Variants in CRPPA observed in about 807,000 individuals in gnomAD.
The protein encoded by CRPPA is D-ribitol-5-phosphate cytidylyltransferase.
CRPPA carries 43 observed loss-of-function variants against 52.0 expected under a neutral mutation model. That is an observed-to-expected ratio of 0.83 (90% CI 0.65 to 1.07). The LOEUF (loss-of-function observed/expected upper bound fraction) is 1.07, where lower values mean the gene tolerates loss of function less well. Ranked by LOEUF, CRPPA falls within the 50% of genes least tolerant of loss-of-function variation. The probability of loss-of-function intolerance (pLI) is 0.00; values close to 1 mark genes in which losing one functional copy is unlikely to be tolerated. For synonymous variants in CRPPA, 250 were observed against 203.5 expected (o/e 1.23, Z -1.94); for missense variants, 629 against 551.7 (o/e 1.14, Z -1.40).
chr7:16,113,747 C>T (rs1782313142), intron 9 of CRPPA, among the ~76,000 whole-genome samples: 2 of 151,424 alleles, frequency 1.3e-5, no homozygotes, highest in Admixed American at 1.3e-4. Context: ...CATTATTTTT[C>T]AAGATTAGAA....
At chr7:16,407,697 T>C (rs1418075074) in intron 1 of CRPPA, among the ~76,000 whole-genome samples, 1 of 152,152 alleles carries the variant, frequency 6.6e-6, no homozygotes, top group African/African-American at 2.4e-5. Flanking sequence ...AAAAACCCCA[T>C]TCTGCCTGTA....
intron 8 of CRPPA, among the ~76,000 whole-genome samples, chr7:16,236,573 C>G (rs1488278871): frequency 1.3e-5 from 2 of 152,102 alleles, no homozygotes; most frequent in Non-Finnish European, 2.9e-5. Context: ...ACTTTCCATA[C>G]AAGAACAGTT....
chr7:16,392,513 C>A (rs992778870), intron 2 of CRPPA, among the ~76,000 whole-genome samples: 1 of 152,128 alleles, frequency 6.6e-6, no homozygotes, highest in Non-Finnish European at 1.5e-5. Context: ...ATGAGGAATA[C>A]GCAAAATGCA....
chr7:16,280,819 A>C lies in CRPPA; in HGVS notation c.836-2593T>G, dbSNP rs764656509. On this transcript the variant is annotated intron_variant, in intron 5 of 9. Coordinates refer to ENST00000407010, the MANE Select transcript of CRPPA (RefSeq NM_001101426.4). The stretch of plus-strand genomic sequence containing the variant: ...AAGATCACTTGAGGTCAGGAGTTCA[A>C]GACCAGCCTGGGCAACATGGTGAAA... 9.1e-4 allele frequency among the ~76,000 whole-genome samples: 139 copies of C among 152,296 alleles called. 1 individual carries two copies. The highest frequency in any genetic ancestry group is 1.6e-3 in the Admixed American group (25 of 15,296).
At chr7:16,311,946 T>C (rs1785043138) in intron 3 of CRPPA, among the ~76,000 whole-genome samples, 1 of 152,048 alleles carries the variant, frequency 6.6e-6, no homozygotes, top group African/African-American at 2.4e-5. Flanking sequence ...GTGATTCTGT[T>C]TCTGGGGTCT....
At chr7:16,255,730 G>C (rs1783620377) in intron 8 of CRPPA, among the ~76,000 whole-genome samples, 1 of 152,138 alleles carries the variant, frequency 6.6e-6, no homozygotes, top group African/African-American at 2.4e-5. Context: ...TGGGAAAACT[G>C]GCTAGCCATA....
intron 6 of CRPPA, among the ~76,000 whole-genome samples, chr7:16,266,677 C>G (rs905568231): frequency 6.6e-6 from 1 of 152,004 alleles, no homozygotes; most frequent in Admixed American, 6.6e-5. Flanking sequence ...GGGACTTTCA[C>G]CATATTGGCC....
Position 16,202,693 on chromosome 7 carries a change from C to G in CRPPA, c.1251+13373G>C, listed in dbSNP as rs73681783. On this transcript the variant is annotated intron_variant, in intron 9 of 9. Coordinates refer to ENST00000407010, the MANE Select transcript of CRPPA (RefSeq NM_001101426.4). Reference sequence around the variant, plus strand: ...AAAGATGGGCAGGTCATTTCATGCTCAATGCAAACTGAAGCACATCTGGAA... The same window carrying G: ...AAAGATGGGCAGGTCATTTCATGCTGAATGCAAACTGAAGCACATCTGGAA... Among the ~76,000 whole-genome samples the G allele has an allele frequency of 3.5e-3, 532 of 152,238 alleles. 2 individuals are homozygous for G. Among genetic ancestry groups the G allele is most frequent in the African/African-American group, 0.012 (504 of 41,536 alleles).
At chr7:16,286,841 G>C (rs1214235642) in intron 5 of CRPPA, among the ~76,000 whole-genome samples, 1 of 152,046 alleles carries the variant, frequency 6.6e-6, no homozygotes, top group African/African-American at 2.4e-5. Context: ...TTGAATCTAA[G>C]TATTCCTGAG....
chr7:16,387,044 GATATATATATAT>G (rs57024916), intron 2 of CRPPA, among the ~76,000 whole-genome samples: 1,931 of 95,964 alleles, frequency 0.02, 45 homozygotes, highest in South Asian at 0.05. Flanking sequence ...ATAAAAAAAA[GATATATATATAT>G]ATATATATAT....
chr7:16,143,629 T>C (rs1476120280), intron 9 of CRPPA, among the ~76,000 whole-genome samples: 1 of 152,220 alleles, frequency 6.6e-6, no homozygotes, highest in Non-Finnish European at 1.5e-5. Flanking sequence ...GATATTGGTT[T>C]CTGTAGTTAT....
intron 3 of CRPPA, among the ~76,000 whole-genome samples, chr7:16,368,986 C>T (rs1404858532): frequency 3.3e-5 from 5 of 152,104 alleles, no homozygotes; most frequent in East Asian, 1.9e-4. Context: ...TATATGTATA[C>T]ACATGAAATT....
chr7:16,232,978 C>T (rs1782847363), intron 8 of CRPPA, among the ~76,000 whole-genome samples: 1 of 151,972 alleles, frequency 6.6e-6, no homozygotes, highest in Non-Finnish European at 1.5e-5. Context: ...AAAGACTGAA[C>T]ATATTAAGCA....
intron 9 of CRPPA, among the ~76,000 whole-genome samples, chr7:16,174,149 TCCATTTACAAGACACATTGCAA>T (rs1443057399): frequency 6.6e-6 from 1 of 152,194 alleles, no homozygotes; most frequent in Non-Finnish European, 1.5e-5. Context: ...ACTGTATGAT[TCCATTTACAAGACACATTGCAA>T]ACATGCTTTC....
intron 5 of CRPPA, among the ~76,000 whole-genome samples, chr7:16,282,282 G>A (rs1054191717): frequency 6.6e-5 from 10 of 151,776 alleles, no homozygotes; most frequent in Admixed American, 2.0e-4. Context: ...CTTTTCACTC[G>A]CTTTCATTTA....
intron 5 of CRPPA, among the ~76,000 whole-genome samples, chr7:16,286,791 C>G (rs1338197318): frequency 6.6e-6 from 1 of 152,052 alleles, no homozygotes; most frequent in Non-Finnish European, 1.5e-5. Context: ...CAACACAAAC[C>G]CAGCATTCTC....
At chr7:16,396,979 C>G (rs747129889) in intron 2 of CRPPA, among the ~76,000 whole-genome samples, 1 of 152,178 alleles carries the variant, frequency 6.6e-6, no homozygotes, top group Non-Finnish European at 1.5e-5. Flanking sequence ...ACACTGGTGA[C>G]ATGTGTGACA....
At chr7:16,253,527 A>G (rs1583468141) in intron 8 of CRPPA, among the ~76,000 whole-genome samples, 1 of 152,186 alleles carries the variant, frequency 6.6e-6, no homozygotes, top group African/African-American at 2.4e-5. Context: ...ACTTCCAACT[A>G]TATGGTCAAT....
At chr7:16,183,734 C>T (rs1781453757) in intron 9 of CRPPA, among the ~76,000 whole-genome samples, 1 of 151,980 alleles carries the variant, frequency 6.6e-6, no homozygotes, top group South Asian at 2.1e-4. Context: ...TCATTTATTA[C>T]ATACAATTCT....
Sources: gnomAD v4.1 joint callset for allele counts (sites outside exome capture counted in the v4.1 genomes callset) on GRCh38, gnomAD v4.1.1 for gene constraint, MANE v1.5 for transcripts, NCBI Gene and HGNC (gene_info 2026-07-23, HGNC 2026-07-21) for gene names.